POMT2: variants seen among roughly 807,000 people sequenced by gnomAD.
The protein encoded by POMT2 is protein O-mannosyltransferase 2.
POMT2 carries 75 observed loss-of-function variants against 100.0 expected under a neutral mutation model. The ratio of observed to expected loss-of-function variants is 0.75; its 90% confidence interval spans 0.62 to 0.91. The LOEUF (loss-of-function observed/expected upper bound fraction) is 0.91, where lower values mean the gene tolerates loss of function less well. POMT2 is among the 40% of genes least tolerant of loss of function. The pLI, the probability that POMT2 is intolerant of heterozygous loss-of-function variation, is 0.00. For missense variants in POMT2, 940 were observed against 955.1 expected, an observed-to-expected ratio of 0.98 and a Z score of 0.21; for synonymous variants, 378 against 374.1, an observed-to-expected ratio of 1.01 and a Z score of -0.12.
intron 20 of POMT2, among the ~76,000 whole-genome samples, 153 bp from the exon 21 acceptor site, chr14:77,277,634 G>A (rs1261185935): frequency 6.6e-6 from 1 of 152,234 alleles, no homozygotes; most frequent in African/African-American, 2.4e-5. Context: ...TCCCACTGGG[G>A]CACACTGTAG....
chr14:77,308,649 C>G (rs1216248047), intron 2 of POMT2: 1 of 367,438 alleles, frequency 2.7e-6, no homozygotes, highest in African/African-American at 2.1e-5. Context: ...AGCCACCGCG[C>G]CCGGCCAACA....
chr14:77,320,732 C>A lies in POMT2; in HGVS notation c.-51G>T. ...CGGCCCGGAGGCACACTTTGTCTGA[C>A]CAGCCGCCCCGCCAAGGAGTCACAA... On this transcript the variant is annotated 5_prime_UTR_variant, in exon 1 of 21. Coordinates refer to ENST00000261534, the MANE Select transcript of POMT2 (RefSeq NM_013382.7). The A allele has an allele frequency of 6.3e-7, 1 of 1,575,176 alleles. No homozygotes were observed. Among genetic ancestry groups the A allele is most frequent in the Non-Finnish European group, 8.5e-7 (1 of 1,170,288 alleles).
chr14:77,281,055 T>C (rs1890207983), intron 15 of POMT2, among the ~76,000 whole-genome samples: 1 of 151,572 alleles, frequency 6.6e-6, no homozygotes, highest in South Asian at 2.1e-4. Context: ...GATCATGCCA[T>C]TGCACTCCAA....
At position 77,278,855 on chromosome 14, in the gene POMT2, G is replaced by C. The variant is rs1890090364; in HGVS notation, c.1906C>G (p.Leu636Val). The C allele has an allele frequency of 6.2e-7, 1 of 1,613,142 alleles. No homozygotes were observed. The highest frequency in any genetic ancestry group is 1.1e-5 in the South Asian group (1 of 91,078). ...PAEVAGLSQV[L>V]LRGGGQVLLG... ...AGGACCTGGCCGCCTCCTCGAAGCAGGACCTGGGACAACCCTGGGCCCAAG... is the reference window on the plus strand; with the variant it reads ...AGGACCTGGCCGCCTCCTCGAAGCACGACCTGGGACAACCCTGGGCCCAAG... Residue 636 changes from leucine (L) to valine (V), a missense_variant, in exon 19 of 21, where the codon CTG becomes GTG. Coordinates refer to ENST00000261534, the MANE Select transcript of POMT2 (RefSeq NM_013382.7).
chr14:77,280,434 A>T lies in POMT2; in HGVS notation c.1683T>A (p.Asn561Lys). The T allele has an allele frequency of 6.2e-7, 1 of 1,614,104 alleles. No individual in the cohort carries two copies. Among genetic ancestry groups the T allele is most frequent in the African/African-American group, 1.3e-5 (1 of 75,006 alleles). ...AGTGCCAGGGTTTGGACGTGAACTC[A>T]TTGTCCTTGGGTTTGAGGCCACTGT... Reference protein sequence around the residue: ...RGNSGLKPKDNEFTSKPWHWP... With the variant: ...RGNSGLKPKDKEFTSKPWHWP... Residue 561 changes from asparagine (N) to lysine (K), a missense_variant, in exon 16 of 21, where the codon AAT becomes AAA. Coordinates refer to ENST00000261534, the MANE Select transcript of POMT2 (RefSeq NM_013382.7).
chr14:77,298,870 A>C, intron 7 of POMT2, 99 bp from the exon 8 acceptor site: 1 of 1,146,588 alleles, frequency 8.7e-7, no homozygotes. Flanking sequence ...AGTTTAAGGA[A>C]AGTAGAATCA....
intron 10 of POMT2, among the ~76,000 whole-genome samples, chr14:77,289,445 T>C (rs1412779412): frequency 3.7e-5 from 4 of 108,950 alleles, no homozygotes; most frequent in African/African-American, 7.2e-5. Flanking sequence ...GGTTTCATAC[T>C]GTAAGGGTGG....
intron 8 of POMT2, among the ~76,000 whole-genome samples, chr14:77,296,662 T>A (rs1032182973): frequency 6.6e-6 from 1 of 152,208 alleles, no homozygotes; most frequent in African/African-American, 2.4e-5. Flanking sequence ...ACAAACCATT[T>A]TTTTCACTCT....
chr14:77,287,561 T>TCTATAC (rs1890478821), intron 11 of POMT2: 1 of 135,670 alleles, frequency 7.4e-6, no homozygotes. Context: ...TATATATATA[T>TCTATAC]ACCCACACAC....
At chr14:77,295,358 C>T (rs1034731782) in intron 9 of POMT2, among the ~76,000 whole-genome samples, 3 of 152,158 alleles carry the variant, frequency 2.0e-5, no homozygotes, top group African/African-American at 4.8e-5. Context: ...ACAGGCTGGG[C>T]GCGGTGGCTC....
intron 16 of POMT2, 138 bp downstream of exon 16, chr14:77,280,254 A>T: frequency 6.4e-7 from 1 of 1,555,732 alleles, no homozygotes; most frequent in African/African-American, 1.4e-5. Context: ...CAGAAAACAG[A>T]TACTCCCACC....
intron 4 of POMT2, among the ~76,000 whole-genome samples, chr14:77,304,153 C>T (rs1037980737): frequency 2.0e-5 from 3 of 152,212 alleles, no homozygotes. Context: ...TTAAGCTCCA[C>T]AAGGTCATGA....
intron 20 of POMT2, 36 bp from the exon 21 acceptor site, chr14:77,277,517 C>T: frequency 6.7e-7 from 1 of 1,482,108 alleles, no homozygotes; most frequent in Non-Finnish European, 9.4e-7. Context: ...AGTTGGCACC[C>T]CCAGTGCCTC....
At chr14:77,320,089 C>T (rs1052925938) in intron 1 of POMT2, among the ~76,000 whole-genome samples, 1 of 152,150 alleles carries the variant, frequency 6.6e-6, no homozygotes, top group Non-Finnish European at 1.5e-5. Context: ...GGAACTCAGG[C>T]CTTAGAAAAT....
At chr14:77,313,813 T>C (rs1202120435) in intron 1 of POMT2, among the ~76,000 whole-genome samples, 1 of 152,188 alleles carries the variant, frequency 6.6e-6, no homozygotes, top group African/African-American at 2.4e-5. Flanking sequence ...GTTCAAGCGA[T>C]TCTCCTGCCT....
chr14:77,318,735 A>AT (rs10643583), intron 1 of POMT2, among the ~76,000 whole-genome samples: 50,794 of 140,126 alleles, frequency 0.36, 9,848 homozygotes, highest in East Asian at 0.49. Context: ...ATGGTAGTTA[A>AT]TTTTTTTTTT....
intron 4 of POMT2, among the ~76,000 whole-genome samples, chr14:77,303,755 T>A (rs900826382): frequency 8.5e-5 from 13 of 152,206 alleles, no homozygotes; most frequent in Admixed American, 8.5e-4. Context: ...CATTATTCCA[T>A]CCCTTACACT....
chr14:77,277,513 C>G, intron 20 of POMT2, 32 bp from the exon 21 acceptor site: 2 of 1,504,758 alleles, frequency 1.3e-6, no homozygotes, highest in Non-Finnish European at 1.9e-6. Context: ...AGGCAGTTGG[C>G]ACCCCCAGTG....
intron 6 of POMT2, chr14:77,300,183 T>TGAAG: frequency 6.2e-6 from 1 of 161,042 alleles, no homozygotes; most frequent in African/African-American, 2.4e-5. Context: ...AATAAATGAA[T>TGAAG]GAATGAATGA....
Sources: allele counts gnomAD v4.1 joint callset (sites outside exome capture counted in the v4.1 genomes callset), GRCh38; gene constraint gnomAD v4.1.1; transcripts MANE v1.5; gene names NCBI Gene and HGNC (gene_info 2026-07-23, HGNC 2026-07-21).